The following LAMB3 variants were observed in gnomAD, a reference collection of about 807,000 sequenced individuals.
The protein encoded by LAMB3 is laminin subunit beta 3.
LAMB3 carries 104 observed loss-of-function variants against 140.3 expected under a neutral mutation model. The ratio of observed to expected loss-of-function variants is 0.74; its 90% CI spans 0.63 to 0.87. The LOEUF (loss-of-function observed/expected upper bound fraction) is 0.87. Among genes scored for constraint, LAMB3 ranks in the 40% least tolerant of loss-of-function variants. The pLI, the probability that LAMB3 is intolerant of heterozygous loss-of-function variation, is 0.00. For synonymous variants in LAMB3, 592 were observed against 602.9 expected (o/e 0.98, Z 0.26); for missense variants, 1,531 against 1,575.2 (o/e 0.97, Z 0.47).
intron 1 of LAMB3, among the ~76,000 whole-genome samples, chr1:209,651,627 C>T (rs1323306989): frequency 6.6e-6 from 1 of 152,108 alleles, no homozygotes; most frequent in Admixed American, 6.5e-5. Flanking sequence ...AAAATGTCTT[C>T]AATGATGGGC....
rs139013461 is a variant in LAMB3 at position 209,622,694 on chromosome 1, C to T, written c.2557-14G>A. 6.2e-7 allele frequency: 1 copy of T among 1,614,118 alleles called. No homozygotes were observed. The highest frequency in any genetic ancestry group is 8.5e-7 in the Non-Finnish European group (1 of 1,180,018). On this transcript the variant is annotated splice_polypyrimidine_tract_variant and intron_variant, in intron 17 of 22. Transcript: ENST00000356082. ...GGCTGCCCTAATCTGTTGACATACACTCTAGGTCAGAAGGGGTAAGGCCCC... is the reference window on the plus strand; with the variant it reads ...GGCTGCCCTAATCTGTTGACATACATTCTAGGTCAGAAGGGGTAAGGCCCC...
At chr1:209,640,957 C>T (rs1002133276) in intron 3 of LAMB3, among the ~76,000 whole-genome samples, 8 of 151,928 alleles carry the variant, frequency 5.3e-5, no homozygotes, top group African/African-American at 1.9e-4. Flanking sequence ...GTGGCGGGCC[C>T]CTGTAGTCCC....
In LAMB3 at chr1:209,617,156, G is replaced by A. The variant is rs141445534; in HGVS notation, c.3228+254C>T. 6.5e-3 allele frequency among the ~76,000 whole-genome samples: 993 copies of A among 152,288 alleles called. 11 individuals are homozygous for A. Among genetic ancestry groups the A allele is most frequent in the African/African-American group, 0.022 (907 of 41,540 alleles). On this transcript the variant is annotated intron_variant, in intron 21 of 22. Coordinates refer to ENST00000356082, the MANE Select transcript of LAMB3 (RefSeq NM_000228.3). ...GTAGATGATTCTTAGGCCTGTGAACGAGTCACCACCTCATCTGTAAAAGGA... is the reference window on the plus strand; with the variant it reads ...GTAGATGATTCTTAGGCCTGTGAACAAGTCACCACCTCATCTGTAAAAGGA...
At chr1:209,638,265 A>C (rs952735750) in intron 4 of LAMB3, among the ~76,000 whole-genome samples, 2 of 152,210 alleles carry the variant, frequency 1.3e-5, no homozygotes, top group African/African-American at 4.8e-5. Context: ...CCCCAAACTT[A>C]ATTCTGCAAG....
At chr1:209,632,486 A>AT in intron 8 of LAMB3, 97 bp downstream of exon 8, 1 of 963,038 alleles carries the variant, frequency 1.0e-6, no homozygotes, top group South Asian at 1.5e-5. Flanking sequence ...CAAGTCTTAG[A>AT]TTTAGTGCCC....
rs528873916 is a variant in LAMB3, at chr1:209,634,535, C to A, written c.476G>T (p.Arg159Leu). ...LAADCTSTFP[R>L]VRQGRPQSWQ... ...GCTCTGAGGCCGACCCTGGCGGACC[C>A]GAGGGAAGGTGGAGGTGCAGTCGGC... is the stretch of plus-strand genomic sequence containing the variant. Residue 159 changes from arginine (R) to leucine (L), a missense_variant, in exon 6 of 23, where the codon CGG (arginine) becomes CTG (leucine). By Grantham distance (102) the Arg-to-Leu change is moderately radical. Transcript: ENST00000356082. 1.5e-5 allele frequency: 25 copies of A among 1,614,100 alleles called. No homozygotes were observed. In the East Asian group the frequency reaches 3.1e-4, roughly 20 times the overall value.
At chr1:209,647,903 T>C (rs778030515) in intron 3 of LAMB3, among the ~76,000 whole-genome samples, 2 of 152,238 alleles carry the variant, frequency 1.3e-5, no homozygotes, top group Non-Finnish European at 2.9e-5. Flanking sequence ...ACACATATGA[T>C]ATGCTTAATG....
Position 209,627,660 on chromosome 1 carries a change from G to C in LAMB3, c.1289-81C>G. On this transcript the variant is annotated intron_variant, in intron 11 of 22. Coordinates refer to ENST00000356082, the MANE Select transcript of LAMB3 (RefSeq NM_000228.3). Reference sequence around the variant, plus strand: ...AGAGGACACACATCCAGGGAGGGGCGCTGCCTGGGAAAAGAACTGGGCAGG... The same window carrying C: ...AGAGGACACACATCCAGGGAGGGGCCCTGCCTGGGAAAAGAACTGGGCAGG... 2.3e-6 allele frequency: 3 copies of C among 1,322,940 alleles called. No individual in the cohort carries two copies. In the South Asian group the frequency reaches 3.7e-5, roughly 16 times the overall value. The allele number at this position is 1,322,940 out of a possible 1,614,324, so 82.0% of individuals were successfully genotyped here.
At chr1:209,651,844 G>A (rs1438743681) in intron 1 of LAMB3, among the ~76,000 whole-genome samples, 4 of 151,816 alleles carry the variant, frequency 2.6e-5, no homozygotes, top group African/African-American at 9.7e-5. Context: ...TCTTTTGGCT[G>A]GGGTGGAGGG....
intron 3 of LAMB3, among the ~76,000 whole-genome samples, chr1:209,642,469 T>TCGTG (rs71303051): frequency 3.3e-5 from 5 of 151,814 alleles, no homozygotes; most frequent in Non-Finnish European, 5.9e-5. Flanking sequence ...TTAAGCTTTT[T>TCGTG]TGTTTGTTTG....
At chr1:209,640,587 A>G (rs770715329) in intron 3 of LAMB3, among the ~76,000 whole-genome samples, 38 of 151,920 alleles carry the variant, frequency 2.5e-4, no homozygotes, top group Non-Finnish European at 5.9e-5. Context: ...AGTAGCACCC[A>G]TTGCCCCACC....
At chr1:209,622,945 C>T (rs1048820992) in intron 17 of LAMB3, 37 bp downstream of exon 17, 3 of 1,607,118 alleles carry the variant, frequency 1.9e-6, no homozygotes, top group Non-Finnish European at 2.6e-6. Flanking sequence ...TGTCTGCCTC[C>T]TCCTACCTGT....
chr1:209,622,479 A>G, intron 18 of LAMB3, 57 bp downstream of exon 18: 2 of 1,603,748 alleles, frequency 1.2e-6, no homozygotes, highest in Non-Finnish European at 1.7e-6. Flanking sequence ...TGAACATGGG[A>G]ATGCGGGACA....
At position 209,642,483 on chromosome 1, in the gene LAMB3, G is replaced by A. The variant is rs180967687; in HGVS notation, c.184-3835C>T. On this transcript the variant is annotated intron_variant, in intron 3 of 22. Coordinates refer to ENST00000356082, the MANE Select transcript of LAMB3 (RefSeq NM_000228.3). Reference sequence around the variant, plus strand: ...TTTAAGCTTTTTTGTTTGTTTGTTTGTTTGTTTTTTGAGATAGGGTCTCAC... The same window carrying A: ...TTTAAGCTTTTTTGTTTGTTTGTTTATTTGTTTTTTGAGATAGGGTCTCAC... Among the ~76,000 whole-genome samples, 30 of 151,900 alleles carry A rather than the reference G, an allele frequency of 2.0e-4. No individual in the cohort carries two copies. In the East Asian group the frequency reaches 5.4e-3, roughly 27 times the overall value.
Position 209,650,625 on chromosome 1 carries a change from C to T in LAMB3, c.28+292G>A, listed in dbSNP as rs2076359. 0.26 allele frequency among the ~76,000 whole-genome samples: 38,864 copies of T among 152,198 alleles called. 5,287 individuals are homozygous for T. Among genetic ancestry groups the T allele is most frequent in the Admixed American group, 0.38 (5,778 of 15,290 alleles). On this transcript the variant is annotated intron_variant, in intron 2 of 22. Coordinates refer to ENST00000356082, the MANE Select transcript of LAMB3 (RefSeq NM_000228.3). Reference sequence around the variant, plus strand: ...AACTTAAGCCACAGTGGCTCTGGAACCAGCTTGAGAAAGGATGGGAAACTG... The same window carrying T: ...AACTTAAGCCACAGTGGCTCTGGAATCAGCTTGAGAAAGGATGGGAAACTG...
chr1:209,621,045 A>G (rs530582695), intron 18 of LAMB3, among the ~76,000 whole-genome samples: 11 of 152,318 alleles, frequency 7.2e-5, no homozygotes, highest in African/African-American at 1.9e-4. Context: ...TGGACTCATC[A>G]TAAGACTTGA....
At chr1:209,639,477 C>T (rs180689473) in intron 3 of LAMB3, among the ~76,000 whole-genome samples, 38 of 152,298 alleles carry the variant, frequency 2.5e-4, no homozygotes, top group Admixed American at 1.8e-3. Flanking sequence ...ACCTGGCCTA[C>T]GCTTATCTCT....
chr1:209,616,449 T>G, intron 22 of LAMB3, 22 bp downstream of exon 22: 1 of 1,613,842 alleles, frequency 6.2e-7, no homozygotes. Flanking sequence ...CAATAGTCCA[T>G]GCCCCTAAAC....
At chr1:209,643,854 C>T (rs1430914901) in intron 3 of LAMB3, among the ~76,000 whole-genome samples, 1 of 152,134 alleles carries the variant, frequency 6.6e-6, no homozygotes, top group African/African-American at 2.4e-5. Flanking sequence ...TACATTTCCT[C>T]CACTTCCACA....
Sources: allele counts gnomAD v4.1 joint callset (sites outside exome capture counted in the v4.1 genomes callset), GRCh38; gene constraint gnomAD v4.1.1; transcripts MANE v1.5; gene names NCBI Gene and HGNC (gene_info 2026-07-23, HGNC 2026-07-21).